Variants in TDRD3 observed in about 807,000 individuals in gnomAD.
TDRD3 encodes tudor domain-containing protein 3.
TDRD3 carries 45 observed loss-of-function variants against 86.7 expected under a neutral mutation model. That is an observed-to-expected ratio of 0.52 (90% confidence interval 0.41 to 0.67). The LOEUF (loss-of-function observed/expected upper bound fraction) is 0.67. Ranked by LOEUF, TDRD3 falls within the 30% of genes least tolerant of loss-of-function variation. TDRD3 has a pLI of 0.00. For synonymous variants in TDRD3, 298 were observed against 301.7 expected (o/e 0.99, Z 0.13); for missense variants, 814 against 889.0 (o/e 0.92, Z 1.07).
At chr13:60,468,515 A>G (rs777850130) in intron 5 of TDRD3, among the ~76,000 whole-genome samples, 9 of 152,148 alleles carry the variant, frequency 5.9e-5, no homozygotes, top group Admixed American at 2.0e-4. Context: ...AACAGATAGT[A>G]TGCTTCTGAG....
chr13:60,448,931 A>G (rs1397673816), intron 3 of TDRD3, among the ~76,000 whole-genome samples: 9 of 152,174 alleles, frequency 5.9e-5, no homozygotes, highest in Non-Finnish European at 1.2e-4. Flanking sequence ...ATGTACTGCT[A>G]TGGAGTCCTA....
intron 6 of TDRD3, chr13:60,484,813 C>G (rs1003635167): frequency 2.7e-6 from 1 of 373,678 alleles, no homozygotes; most frequent in African/African-American, 2.2e-5. Context: ...TGTAAACATT[C>G]TAATAACTTA....
chr13:60,449,673 A>C (rs994279721), intron 3 of TDRD3, among the ~76,000 whole-genome samples: 3 of 152,134 alleles, frequency 2.0e-5, no homozygotes. Flanking sequence ...AACCTATTCA[A>C]GATTATGTTG....
At chr13:60,565,761 C>T (rs1406357511) in intron 12 of TDRD3, among the ~76,000 whole-genome samples, 1 of 152,108 alleles carries the variant, frequency 6.6e-6, no homozygotes, top group Non-Finnish European at 1.5e-5. Flanking sequence ...TGCAGAGTTT[C>T]AAATGTTGTC....
At chr13:60,469,034 A>T (rs1956015997) in intron 5 of TDRD3, among the ~76,000 whole-genome samples, 1 of 152,090 alleles carries the variant, frequency 6.6e-6, no homozygotes, top group South Asian at 2.1e-4. Context: ...ATAGATAAGG[A>T]CCTTAGGCAC....
intron 12 of TDRD3, among the ~76,000 whole-genome samples, chr13:60,560,505 T>G (rs1958307613): frequency 6.6e-6 from 1 of 152,146 alleles, no homozygotes; most frequent in African/African-American, 2.4e-5. Flanking sequence ...TTTTCACAAG[T>G]GCTTAACCTG....
At chr13:60,431,024 T>C (rs1191729630) in intron 1 of TDRD3, among the ~76,000 whole-genome samples, 1 of 152,104 alleles carries the variant, frequency 6.6e-6, no homozygotes, top group Non-Finnish European at 1.5e-5. Flanking sequence ...TTCCAGACGA[T>C]ATAGATGTAG....
intron 1 of TDRD3, among the ~76,000 whole-genome samples, chr13:60,437,997 C>G (rs1955163128): frequency 6.6e-6 from 1 of 152,074 alleles, no homozygotes. Flanking sequence ...ACTTTGAGCT[C>G]CTATAACATT....
intron 6 of TDRD3, among the ~76,000 whole-genome samples, chr13:60,484,991 T>C (rs540407828): frequency 4.1e-4 from 62 of 152,250 alleles, no homozygotes; most frequent in African/African-American, 1.2e-3. Context: ...AATAATATTA[T>C]TTGGTTATAA....
At chr13:60,410,861 T>C (rs1045447777) in intron 1 of TDRD3, among the ~76,000 whole-genome samples, 1 of 152,208 alleles carries the variant, frequency 6.6e-6, no homozygotes, top group Non-Finnish European at 1.5e-5. Flanking sequence ...TTTTTTGCTT[T>C]GGTTTTATGT....
At chr13:60,472,062 T>A (rs960612478) in intron 5 of TDRD3, among the ~76,000 whole-genome samples, 1 of 152,112 alleles carries the variant, frequency 6.6e-6, no homozygotes, top group Non-Finnish European at 1.5e-5. Context: ...TAGTTTGTCG[T>A]ATATTTTTAT....
At chr13:60,572,108 ATACT>A (rs1958599583) in intron 13 of TDRD3, among the ~76,000 whole-genome samples, 1 of 152,168 alleles carries the variant, frequency 6.6e-6, no homozygotes, top group Non-Finnish European at 1.5e-5. Context: ...TAGGAACTAG[ATACT>A]AATTAGTAGG....
chr13:60,529,699 AATT>A lies in TDRD3; in HGVS notation c.1992+487_1992+489del, dbSNP rs537092330. Among the ~76,000 whole-genome samples, 162 of 152,172 alleles carry A rather than the reference AATT, an allele frequency of 1.1e-3. 1 individual carries two copies. In the South Asian group the frequency reaches 0.012, roughly 11 times the overall value. On this transcript the variant is annotated intron_variant, in intron 11 of 13. Coordinates refer to ENST00000377881, the MANE Select transcript of TDRD3 (RefSeq NM_001146070.2). ...ATTATTTATTTTATAATAATTTTAA[AATT>A]ATTAAACCATTGCTTCTCGGCCTTT...
chr13:60,523,573 CTTTTTTTTTTTT>C (rs67692021), intron 10 of TDRD3, among the ~76,000 whole-genome samples: 1 of 105,054 alleles, frequency 9.5e-6, no homozygotes, highest in African/African-American at 3.6e-5. Flanking sequence ...ATACATTTTT[CTTTTTTTTTTTT>C]TTTTTTTTTG....
chr13:60,560,853 T>C (rs1157455783), intron 12 of TDRD3, among the ~76,000 whole-genome samples: 2 of 152,312 alleles, frequency 1.3e-5, no homozygotes, highest in East Asian at 3.9e-4. Flanking sequence ...GGAATGAAAA[T>C]ATTATGTTAT....
intron 2 of TDRD3, among the ~76,000 whole-genome samples, chr13:60,441,487 T>C (rs9538701): frequency 0.14 from 20,915 of 152,120 alleles, 1,513 homozygotes; most frequent in East Asian, 0.2. Context: ...TGCCATATGA[T>C]AGGAAAAAAA....
At chr13:60,511,876 A>G (rs1595049185) in intron 10 of TDRD3, among the ~76,000 whole-genome samples, 1 of 152,070 alleles carries the variant, frequency 6.6e-6, no homozygotes, top group African/African-American at 2.4e-5. Context: ...CCAGCAGGAG[A>G]GTCTCTGCTG....
At chr13:60,424,317 A>G (rs985882010) in intron 1 of TDRD3, among the ~76,000 whole-genome samples, 5 of 150,602 alleles carry the variant, frequency 3.3e-5, no homozygotes, top group African/African-American at 1.2e-4. Context: ...CACCGCCCCC[A>G]GACAGTGGTT....
intron 7 of TDRD3, among the ~76,000 whole-genome samples, chr13:60,491,755 T>C (rs186752759): frequency 5.1e-4 from 78 of 152,204 alleles, no homozygotes; most frequent in Admixed American, 3.9e-3. Flanking sequence ...TGTGGGTTGA[T>C]GTGGTCAAAA....
Sources: allele counts gnomAD v4.1 joint callset (sites outside exome capture counted in the v4.1 genomes callset), GRCh38; gene constraint gnomAD v4.1.1; transcripts MANE v1.5; gene names NCBI Gene and HGNC (gene_info 2026-07-23, HGNC 2026-07-21).